Variants in PDK2 observed in about 807,000 individuals in gnomAD.
PDK2 encodes pyruvate dehydrogenase kinase 2, also known as pyruvate dehydrogenase kinase, isozyme 2.
In PDK2, 34 loss-of-function variants were observed where a neutral mutation model predicts 50.4. That is an observed-to-expected ratio of 0.68 (90% CI 0.51 to 0.90). The LOEUF (loss-of-function observed/expected upper bound fraction) is 0.90. PDK2 is among the 40% of genes least tolerant of loss of function. The pLI is 0.00. For synonymous variants in PDK2, 232 were observed against 216.0 expected (o/e 1.07, Z -0.65); for missense variants, 377 against 544.5 (o/e 0.69, Z 3.06).
chr17:50,095,701 G>A, intron 1 of PDK2, 148 bp downstream of exon 1: 1 of 1,436,774 alleles, frequency 7.0e-7, no homozygotes, highest in Non-Finnish European at 9.2e-7. Flanking sequence ...GAGTTAATGG[G>A]GAAGCAGGAA....
chr17:50,109,824 G>C lies in PDK2; in HGVS notation c.1084-133G>C. On this transcript the variant is annotated intron_variant, in intron 10 of 10. Transcript: ENST00000503176. This position sits in a 1 kb window ranked among gnomAD's most constrained non-coding sequence, Gnocchi z 5.0. ...AATGGGCAGGAGCGGGACACAGGAG[G>C]GACCACCCTTTTGTGGTCTTTCCAG... is the stretch of plus-strand genomic sequence containing the variant. The C allele has an allele frequency of 1.0e-6, 1 of 995,586 alleles. No individual in the cohort carries two copies. The highest frequency in any genetic ancestry group is 1.4e-6 in the Non-Finnish European group (1 of 699,856). The allele number at this position is 995,586 out of a possible 1,614,324, so 61.7% of individuals were successfully genotyped here.
At chr17:50,100,464 G>A (rs1170837179) in intron 2 of PDK2, among the ~76,000 whole-genome samples, 1 of 152,196 alleles carries the variant, frequency 6.6e-6, no homozygotes, top group Non-Finnish European at 1.5e-5. Flanking sequence ...GACCCATTGT[G>A]TTTGTAAGGG....
At chr17:50,098,792 A>G (rs57206240) in intron 2 of PDK2, 7,959 of 152,242 alleles carry the variant, frequency 0.052, 227 homozygotes, top group African/African-American at 0.088. Context: ...TGCACCATGA[A>G]TGTTTGTTGA....
chr17:50,099,574 A>G (rs989540231), intron 2 of PDK2, among the ~76,000 whole-genome samples: 4 of 152,098 alleles, frequency 2.6e-5, no homozygotes, highest in Non-Finnish European at 4.4e-5. Context: ...CGGGCGGATC[A>G]CAAGGTCAGG....
At chr17:50,099,856 C>T (rs1910131962) in intron 2 of PDK2, among the ~76,000 whole-genome samples, 2 of 152,236 alleles carry the variant, frequency 1.3e-5, no homozygotes, top group South Asian at 4.1e-4. Context: ...TAAAGCATCC[C>T]AACGCGCTGA....
intron 4 of PDK2, chr17:50,106,535 T>C: frequency 1.8e-6 from 1 of 554,126 alleles, no homozygotes; most frequent in Non-Finnish European, 3.2e-6. Context: ...AAATGCAATG[T>C]GGAGATGTGA....
chr17:50,109,539 A>G lies in PDK2; in HGVS notation c.1083+139A>G. 1.7e-6 allele frequency: 1 copy of G among 587,416 alleles called. No homozygotes were observed. Among genetic ancestry groups the G allele is most frequent in the Non-Finnish European group, 3.0e-6 (1 of 333,466 alleles). The allele number at this position is 587,416 out of a possible 1,614,324, so 36.4% of individuals were successfully genotyped here. A position where few individuals can be genotyped will look rare whatever the true frequency, so the allele number is the denominator to read the frequency against. ...AGACTCTGAGAATCCAAGCAAAGCT[A>G]CAGTTCCTCAACCTGAAGAACCCTC... On this transcript the variant is annotated intron_variant, in intron 10 of 10. Coordinates refer to ENST00000503176, the MANE Select transcript of PDK2 (RefSeq NM_002611.5). This position sits in a 1 kb window ranked among gnomAD's most constrained non-coding sequence, Gnocchi z 5.0.
intron 1 of PDK2, chr17:50,095,881 A>C: frequency 1.2e-6 from 1 of 831,904 alleles, no homozygotes; most frequent in Non-Finnish European, 1.5e-6. Context: ...GAAAGGGTTA[A>C]TGGGAGTTGT....
chr17:50,096,391 A>T, intron 1 of PDK2: 2 of 723,834 alleles, frequency 2.8e-6, no homozygotes, highest in Non-Finnish European at 1.7e-6. Context: ...CTGTCTGTCT[A>T]TGTGGTATTT....
At chr17:50,105,338 G>A (rs1910448633) in intron 2 of PDK2, 33 bp from the exon 3 acceptor site, 3 of 1,541,400 alleles carry the variant, frequency 1.9e-6, no homozygotes, top group South Asian at 2.4e-5. Context: ...GCCACCTGAA[G>A]CTGAGGCTGT....
At position 50,106,033 on chromosome 17, in the gene PDK2, A is replaced by T; in HGVS notation, c.481A>T (p.Ser161Cys). 1 of 1,608,594 alleles carries T rather than the reference A, an allele frequency of 6.2e-7. No individual in the cohort carries two copies. Among genetic ancestry groups the T allele is most frequent in the South Asian group, 1.1e-5 (1 of 90,036 alleles). Residue 161 changes from serine to cysteine, a missense_variant, in exon 4 of 11, where the codon AGC (serine) becomes TGC (cysteine). Ser to Cys is a moderately radical substitution (Grantham distance 112). This residue lies in a region of PDK2 where 63 missense variants were observed against 135.1 expected (regional missense o/e 0.47). Transcript: ENST00000503176. ...GTACTTCCTGGACCGCTTCTACCTCAGCCGCATCTCCATCCGCATGCTCAT... is the reference window on the plus strand; with the variant it reads ...GTACTTCCTGGACCGCTTCTACCTCTGCCGCATCTCCATCCGCATGCTCAT... ...IQYFLDRFYL[S>C]RISIRMLINQ...
chr17:50,105,367 A>G lies in PDK2; in HGVS notation c.261-4A>G, dbSNP rs750474509. 4 of 1,600,276 alleles carry G rather than the reference A, an allele frequency of 2.5e-6. No individual in the cohort carries two copies. In the African/African-American group the frequency reaches 4.0e-5, roughly 16 times the overall value. On this transcript the variant is annotated splice_region_variant and splice_polypyrimidine_tract_variant and intron_variant, in intron 2 of 10. Coordinates refer to ENST00000503176, the MANE Select transcript of PDK2 (RefSeq NM_002611.5). ...AGGCTGTGTCCCCTCCCGCCCCCAC[A>G]CAGGTATGTCCAGAGCCTCCTGGAC...
chr17:50,110,895 G>A lies in PDK2; in HGVS notation c.*798G>A, dbSNP rs1910796932. On this transcript the variant is annotated 3_prime_UTR_variant, in exon 11 of 11. Coordinates refer to ENST00000503176, the MANE Select transcript of PDK2 (RefSeq NM_002611.5). ...ACTGTGCCCAGACATGTGTGCTCAGGGTGGCTTTCTCCCTAGGACCTTCTG... is the reference window on the plus strand; with the variant it reads ...ACTGTGCCCAGACATGTGTGCTCAGAGTGGCTTTCTCCCTAGGACCTTCTG... 6.6e-6 allele frequency: 1 copy of A among 152,258 alleles called. No individual in the cohort carries two copies. Among genetic ancestry groups the A allele is most frequent in the South Asian group, 2.1e-4 (1 of 4,830 alleles). 9.4% of individuals were successfully genotyped at this position (152,258 alleles called of 1,614,324 possible).
At chr17:50,106,316 T>C in intron 4 of PDK2, 1 of 945,090 alleles carries the variant, frequency 1.1e-6, no homozygotes, top group East Asian at 2.9e-5. Flanking sequence ...ATGTCACATC[T>C]TTAAAAGAAT....
Position 50,109,336 on chromosome 17 carries a change from T to C in PDK2, c.1019T>C (p.Phe340Ser). 1 of 1,613,812 alleles carries C rather than the reference T, an allele frequency of 6.2e-7. No homozygotes were observed. Among genetic ancestry groups the C allele is most frequent in the Non-Finnish European group, 8.5e-7 (1 of 1,179,920 alleles). ...LPISRLYAKY[F>S]QGDLQLFSME... ...ATTTCCCGCCTCTACGCCAAGTACT[T>C]CCAGGGAGACCTGCAGCTCTTCTCC... The change falls in exon 10 of 11, where the codon TTC (phenylalanine) becomes TCC (serine). Residue 340 changes from phenylalanine to serine, a missense_variant. Phe to Ser is a radical substitution (Grantham distance 155, BLOSUM62 -2). Transcript: ENST00000503176. The surrounding 1 kb of genome is among the most constrained non-coding windows in gnomAD (Gnocchi z 5.0).
Position 50,110,432 on chromosome 17 carries a change from C to G in PDK2, c.*335C>G, listed in dbSNP as rs1175309187. 1 of 205,670 alleles carries G rather than the reference C, an allele frequency of 4.9e-6. No homozygotes were observed. The highest frequency in any genetic ancestry group is 9.8e-6 in the Non-Finnish European group (1 of 101,720). The allele number at this position is 205,670 out of a possible 1,614,324, so 12.7% of individuals were successfully genotyped here. A position where few individuals can be genotyped will look rare whatever the true frequency, so the allele number is the denominator to read the frequency against. ...CACTTTTCTGCCAGGGGTACTGGGT[C>G]CCCCTCAGCACCCTCCACAGCACAG... On this transcript the variant is annotated 3_prime_UTR_variant, in exon 11 of 11. Transcript: ENST00000503176.
chr17:50,097,723 G>A lies in PDK2; in HGVS notation c.260+159G>A, dbSNP rs113525206. 6,295 of 731,516 alleles carry A rather than the reference G, an allele frequency of 8.6e-3. 46 individuals carry two copies. Among genetic ancestry groups the A allele is most frequent in the Non-Finnish European group, 0.012 (5,447 of 452,926 alleles). 45.3% of individuals were successfully genotyped at this position (731,516 alleles called of 1,614,324 possible). On this transcript the variant is annotated intron_variant, in intron 2 of 10. Coordinates refer to ENST00000503176, the MANE Select transcript of PDK2 (RefSeq NM_002611.5). ...GCTTGGAGTTGCCTAGGGTCACGTG[G>A]GAATCTGAGGCCAGAGCAGGACTGA...
At chr17:50,106,963 T>C in intron 5 of PDK2, 80 bp downstream of exon 5, 1 of 1,475,766 alleles carries the variant, frequency 6.8e-7, no homozygotes, top group African/African-American at 1.4e-5. Context: ...GGGTGACTCG[T>C]TCCTCAGTAA....
In PDK2 at chr17:50,110,820, C is replaced by T. The variant is rs1027709329; in HGVS notation, c.*723C>T. 1.3e-4 allele frequency: 20 copies of T among 152,286 alleles called. No individual in the cohort carries two copies. The highest frequency in any genetic ancestry group is 4.8e-4 in the African/African-American group (20 of 41,414). 9.4% of individuals were successfully genotyped at this position (152,286 alleles called of 1,614,324 possible). Reference sequence around the variant, plus strand: ...GTCCTCACATGCTCATGCCCACCCGCTCCTCCACAAGCCTAGTCCATCCTG... The same window carrying T: ...GTCCTCACATGCTCATGCCCACCCGTTCCTCCACAAGCCTAGTCCATCCTG... On this transcript the variant is annotated 3_prime_UTR_variant, in exon 11 of 11. Coordinates refer to ENST00000503176, the MANE Select transcript of PDK2 (RefSeq NM_002611.5).
Sources: gnomAD v4.1 joint callset for allele counts (sites outside exome capture counted in the v4.1 genomes callset) on GRCh38, gnomAD v4.1.1 for gene constraint, gnomAD v4.1.1 regional missense constraint, Gnocchi (gnomAD v3.1) non-coding constraint, MANE v1.5 for transcripts, NCBI Gene and HGNC (gene_info 2026-07-23, HGNC 2026-07-21) for gene names.